The following RPRD2 variants were observed in gnomAD, a reference collection of about 807,000 sequenced individuals.
RPRD2 encodes regulation of nuclear pre-mRNA domain containing 2, also known as regulation of nuclear pre-mRNA domain-containing protein 2.
RPRD2 carries 12 observed loss-of-function variants against 104.4 expected under a neutral mutation model. That is an observed-to-expected ratio of 0.11 (90% CI 0.07 to 0.19). RPRD2 has a LOEUF of 0.19. Among genes scored for constraint, RPRD2 ranks in the 10% least tolerant of loss-of-function variants. The pLI, the probability that RPRD2 is intolerant of heterozygous loss-of-function variation, is 1.00. For synonymous variants in RPRD2, 714 were observed against 684.9 expected (o/e 1.04, Z -0.66); for missense variants, 1,543 against 1,790.1 (o/e 0.86, Z 2.49).
At chr1:150,387,566 CCTTTTTTTTTT>C (rs1661665581) in intron 1 of RPRD2, among the ~76,000 whole-genome samples, 2 of 70,116 alleles carry the variant, frequency 2.9e-5, no homozygotes, top group Non-Finnish European at 5.9e-5. Context: ...TTGCAACAGA[CCTTTTTTTTTT>C]TTTTTTTTTT....
Position 150,460,202 on chromosome 1 carries a change from T to C in RPRD2, c.1296T>C (p.Pro432=), listed in dbSNP as rs1667832939. 2 of 1,613,944 alleles carry C rather than the reference T, an allele frequency of 1.2e-6. No individual in the cohort carries two copies. Among genetic ancestry groups the C allele is most frequent in the Non-Finnish European group, 1.7e-6 (2 of 1,179,882 alleles). The part of the protein sequence containing the change: ...TMTATPPLPK[P]VNTSLSPSPA... ...CAGCAACTCCACCTCTTCCAAAGCC[T>C]GTGAATACTTCTCTTTCCCCTTCCC... Residue 432 remains proline (P), a synonymous_variant, in exon 9 of 11, where the codon CCT becomes CCC. Transcript: ENST00000369068.
At chr1:150,387,567 C>CTTTTTTTTTTTTTTTTTTTTT (rs562476167) in intron 1 of RPRD2, among the ~76,000 whole-genome samples, 6 of 73,798 alleles carry the variant, frequency 8.1e-5, no homozygotes, top group East Asian at 5.1e-4. Flanking sequence ...TGCAACAGAC[C>CTTTTTTTTTTTTTTTTTTTTT]TTTTTTTTTT....
intron 1 of RPRD2, among the ~76,000 whole-genome samples, chr1:150,405,715 A>C (rs782520776): frequency 1.3e-5 from 2 of 152,180 alleles, no homozygotes; most frequent in Non-Finnish European, 2.9e-5. Flanking sequence ...TTAAATGGAA[A>C]ATTGTAGAAA....
At chr1:150,400,518 C>T (rs977838078) in intron 1 of RPRD2, among the ~76,000 whole-genome samples, 2 of 152,226 alleles carry the variant, frequency 1.3e-5, no homozygotes, top group African/African-American at 2.4e-5. Context: ...CCCTGGCATG[C>T]GCAGTTAACA....
intron 1 of RPRD2, among the ~76,000 whole-genome samples, chr1:150,414,185 C>T (rs1387769804): frequency 6.6e-6 from 1 of 152,098 alleles, no homozygotes; most frequent in Non-Finnish European, 1.5e-5. Flanking sequence ...ATATGGGAGT[C>T]ATTGATACAT....
intron 1 of RPRD2, among the ~76,000 whole-genome samples, chr1:150,384,450 C>CATCATCATCATTATT (rs1553881396): frequency 9.5e-4 from 126 of 132,328 alleles, no homozygotes; most frequent in Non-Finnish European, 3.9e-4. Flanking sequence ...GCATCATCAT[C>CATCATCATCATTATT]ATTATTATTA....
rs370454586 is a variant in RPRD2, at chr1:150,464,772, T to C, written c.1612+45T>C. ...GGGACTCGAATTGTGAATGTTTGTC[T>C]CTGGCTTAAATTAATCCTGGATTCC... On this transcript the variant is annotated intron_variant, in intron 10 of 10. Transcript: ENST00000369068. 1.2e-5 allele frequency: 17 copies of C among 1,471,814 alleles called. No homozygotes were observed. In the African/African-American group the frequency reaches 2.0e-4, roughly 17 times the overall value. 91.2% of individuals were successfully genotyped at this position (1,471,814 alleles called of 1,614,324 possible).
At chr1:150,450,143 T>C (rs1667053895) in intron 7 of RPRD2, among the ~76,000 whole-genome samples, 1 of 152,200 alleles carries the variant, frequency 6.6e-6, no homozygotes, top group African/African-American at 2.4e-5. Context: ...TGGTAAAATT[T>C]ATTCATCTTT....
At chr1:150,451,620 A>G (rs1350846413) in intron 7 of RPRD2, among the ~76,000 whole-genome samples, 1 of 147,302 alleles carries the variant, frequency 6.8e-6, no homozygotes, top group Non-Finnish European at 1.5e-5. Context: ...GCTTGCAGGG[A>G]GCCGAGATCG....
chr1:150,398,838 C>T (rs1473546143), intron 1 of RPRD2, among the ~76,000 whole-genome samples: 3 of 151,866 alleles, frequency 2.0e-5, no homozygotes, highest in South Asian at 4.2e-4. Flanking sequence ...ACACCACACC[C>T]GGCCTTAACA....
At chr1:150,469,992 G>C (rs1426044497) in intron 10 of RPRD2, among the ~76,000 whole-genome samples, 2 of 151,984 alleles carry the variant, frequency 1.3e-5, no homozygotes, top group Non-Finnish European at 2.9e-5. Flanking sequence ...ACCAAGAGGT[G>C]CTTCTTGAAA....
At position 150,444,257 on chromosome 1, in the gene RPRD2, G is replaced by A; in HGVS notation, c.574G>A (p.Ala192Thr). The A allele has an allele frequency of 6.2e-7, 1 of 1,613,078 alleles. No individual in the cohort carries two copies. Among genetic ancestry groups the A allele is most frequent in the Middle Eastern group, 1.7e-4 (1 of 6,054 alleles). Reference sequence around the variant, plus strand: ...GACTCTGGTCTGTGTTTAGTCTCAGGCCCTAATTGAAGAGCTGTTGCTATA... The same window carrying A: ...GACTCTGGTCTGTGTTTAGTCTCAGACCCTAATTGAAGAGCTGTTGCTATA... ...SKIVAEFRSQ[A>T]LIEELLLYKR... Residue 192 changes from alanine to threonine, a missense_variant, in exon 6 of 11, where the codon GCC becomes ACC. Physicochemically the swap from Ala to Thr is moderately conservative, Grantham distance 58. Around this residue, in one of 4 missense-constraint regions of RPRD2, gnomAD observed 572 missense variants for 787.3 expected, o/e 0.73. Coordinates refer to ENST00000369068, the MANE Select transcript of RPRD2 (RefSeq NM_015203.5).
At chr1:150,468,838 C>T (rs1468618456) in intron 10 of RPRD2, among the ~76,000 whole-genome samples, 1 of 151,718 alleles carries the variant, frequency 6.6e-6, no homozygotes, top group East Asian at 1.9e-4. Context: ...GATCGCACCA[C>T]TGCACTCCAG....
At chr1:150,400,003 G>T (rs1170680675) in intron 1 of RPRD2, among the ~76,000 whole-genome samples, 2 of 152,122 alleles carry the variant, frequency 1.3e-5, no homozygotes, top group African/African-American at 4.8e-5. Context: ...TGTTAAATAT[G>T]TTTAGTCTTT....
chr1:150,451,804 G>A (rs1560214006), intron 7 of RPRD2, among the ~76,000 whole-genome samples: 1 of 151,880 alleles, frequency 6.6e-6, no homozygotes, highest in Non-Finnish European at 1.5e-5. Context: ...TGAGTTCACT[G>A]GGGTGGGCCT....
chr1:150,432,994 G>A (rs138138718), intron 2 of RPRD2, among the ~76,000 whole-genome samples: 5 of 152,012 alleles, frequency 3.3e-5, no homozygotes, highest in Non-Finnish European at 7.4e-5. Flanking sequence ...AGGGGGTTGG[G>A]GGAAAAGTAT....
chr1:150,417,781 G>C (rs1664455128), intron 2 of RPRD2, 56 bp downstream of exon 2: 2 of 1,403,808 alleles, frequency 1.4e-6, no homozygotes, highest in Non-Finnish European at 1.9e-6. Flanking sequence ...TAGAATTTTA[G>C]TTTCTTAACC....
chr1:150,400,033 G>A (rs587694452), intron 1 of RPRD2, among the ~76,000 whole-genome samples: 32 of 152,150 alleles, frequency 2.1e-4, no homozygotes, highest in African/African-American at 7.2e-4. Context: ...GGTATATCTC[G>A]CCATTTATTT....
chr1:150,401,392 G>A (rs1426123002), intron 1 of RPRD2, among the ~76,000 whole-genome samples: 4 of 151,586 alleles, frequency 2.6e-5, no homozygotes, highest in African/African-American at 7.3e-5. Context: ...GGACGCCAAG[G>A]CAGAAGAATT....
Sources: gnomAD v4.1 joint callset for allele counts (sites outside exome capture counted in the v4.1 genomes callset) on GRCh38, gnomAD v4.1.1 for gene constraint, gnomAD v4.1.1 regional missense constraint, MANE v1.5 for transcripts, NCBI Gene and HGNC (gene_info 2026-07-23, HGNC 2026-07-21) for gene names.